The following KCTD19 variants were observed in gnomAD, a reference collection of about 807,000 sequenced individuals.
KCTD19 encodes BTB/POZ domain-containing protein KCTD19.
KCTD19 carries 67 observed loss-of-function variants against 103.5 expected under a neutral mutation model. The ratio of observed to expected loss-of-function variants is 0.65; its 90% CI spans 0.53 to 0.79. KCTD19 has a LOEUF of 0.79. Ranked by LOEUF, KCTD19 falls within the 30% of genes least tolerant of loss-of-function variation. The probability of loss-of-function intolerance (pLI) is 0.00; values close to 1 mark genes in which losing one functional copy is unlikely to be tolerated. For missense variants in KCTD19, 980 were observed against 1,136.1 expected (o/e 0.86, Z 1.98); for synonymous variants, 439 against 452.2 (o/e 0.97, Z 0.37).
At chr16:67,295,714 TCCCAGC>T in intron 8 of KCTD19, 1 of 341,232 alleles carries the variant, frequency 2.9e-6, no homozygotes, top group African/African-American at 2.1e-5. Flanking sequence ...TGGAGGGCCT[TCCCAGC>T]AGGCCACTCG....
Position 67,289,460 on chromosome 16 carries a change from T to TA in KCTD19, c.*108dup, listed in dbSNP as rs2036640491. On this transcript the variant is annotated 3_prime_UTR_variant, in exon 16 of 16. Coordinates refer to ENST00000304372, the MANE Select transcript of KCTD19 (RefSeq NM_001100915.3). ...GATTTAATCTTTTATTTGTTTATAA[T>TA]AAAAAATAGACTGATATGTACCCTC... The TA allele has an allele frequency of 1.7e-6, 1 of 596,050 alleles. No homozygotes were observed. Among genetic ancestry groups the TA allele is most frequent in the Non-Finnish European group, 3.0e-6 (1 of 333,744 alleles). 36.9% of individuals were successfully genotyped at this position (596,050 alleles called of 1,614,324 possible). A position where few individuals can be genotyped will look rare whatever the true frequency, so the allele number is the denominator to read the frequency against.
chr16:67,322,440 AGGCACC>A (rs1269238371), intron 1 of KCTD19, among the ~76,000 whole-genome samples: 1 of 151,974 alleles, frequency 6.6e-6, no homozygotes, highest in Non-Finnish European at 1.5e-5. Context: ...CTGGGACTAC[AGGCACC>A]CGCCACCACG....
In KCTD19 at chr16:67,293,988, G is replaced by A. The variant is rs773746023; in HGVS notation, c.1774C>T (p.Arg592Cys). Residue 592 changes from arginine to cysteine, a missense_variant, in exon 12 of 16, where the codon CGT (arginine) becomes TGT (cysteine). By Grantham distance (180) the Arg-to-Cys change is radical. Transcript: ENST00000304372. The surrounding 1 kb of genome is among the most constrained non-coding windows in gnomAD (Gnocchi z 4.0). ...TGTCCAGGATTGGTACACAAGCCACGGCAGTGTGAGTATGTGCTAGGGTTG... is the reference window on the plus strand; with the variant it reads ...TGTCCAGGATTGGTACACAAGCCACAGCAGTGTGAGTATGTGCTAGGGTTG... Reference protein sequence around the residue: ...AGNPSTYSHCRGLCTNPGHWG... With the variant: ...AGNPSTYSHCCGLCTNPGHWG... 14 of 1,613,992 alleles carry A rather than the reference G, an allele frequency of 8.7e-6. No homozygotes were observed. The highest frequency in any genetic ancestry group is 5.0e-5 in the Admixed American group (3 of 59,998).
rs1418389363 is a variant in KCTD19, at chr16:67,291,434, A to G, written c.2440T>C (p.Trp814Arg). The change falls in exon 14 of 16, where the codon TGG becomes CGG. Residue 814 changes from tryptophan (W) to arginine (R), a missense_variant. Physicochemically the swap from Trp to Arg is moderately radical, Grantham distance 101. Transcript: ENST00000304372. ...EVTFLSFSLSWEEMFYAQKCH... is the reference protein window; with the variant it reads ...EVTFLSFSLSREEMFYAQKCH... ...TTCTGTGCATAAAACATCTCTTCCCAGGACAGAGAGAAACTCAGGAAAGTC... is the reference window on the plus strand; with the variant it reads ...TTCTGTGCATAAAACATCTCTTCCCGGGACAGAGAGAAACTCAGGAAAGTC... 6.2e-7 allele frequency: 1 copy of G among 1,614,086 alleles called. No homozygotes were observed. Among genetic ancestry groups the G allele is most frequent in the Admixed American group, 1.7e-5 (1 of 60,008 alleles).
chr16:67,322,454 A>G (rs1332932722), intron 1 of KCTD19, among the ~76,000 whole-genome samples: 1 of 151,904 alleles, frequency 6.6e-6, no homozygotes, highest in African/African-American at 2.4e-5. Context: ...ACCCGCCACC[A>G]CGCCCGGCTA....
chr16:67,315,053 G>A (rs985766435), intron 2 of KCTD19, among the ~76,000 whole-genome samples: 2 of 151,772 alleles, frequency 1.3e-5, no homozygotes, highest in Admixed American at 1.3e-4. Flanking sequence ...TAGAGTTGGA[G>A]TCTCACTTTG....
chr16:67,310,675 T>C (rs1344338816), intron 2 of KCTD19, among the ~76,000 whole-genome samples: 1 of 152,206 alleles, frequency 6.6e-6, no homozygotes, highest in Non-Finnish European at 1.5e-5. Context: ...TATGTGTATG[T>C]ATGTGTGTGG....
intron 6 of KCTD19, among the ~76,000 whole-genome samples, chr16:67,298,904 C>G (rs961796399): frequency 2.0e-5 from 3 of 150,614 alleles, no homozygotes; most frequent in African/African-American, 7.3e-5. Flanking sequence ...ATCAGCACCT[C>G]TGGGAAGCCT....
In KCTD19 at chr16:67,323,347, G is replaced by T. The variant is rs1484366794; in HGVS notation, c.4-2462C>A. Among the ~76,000 whole-genome samples the T allele has an allele frequency of 6.6e-6, 1 of 152,136 alleles. No individual in the cohort carries two copies. The highest frequency in any genetic ancestry group is 2.4e-5 in the African/African-American group (1 of 41,420). ...ACAAAATGTAGTATATCCACACAAT[G>T]GAATATTGTTTGTCAATACGAAGGA... On this transcript the variant is annotated intron_variant, in intron 1 of 15. Coordinates refer to ENST00000304372, the MANE Select transcript of KCTD19 (RefSeq NM_001100915.3). The surrounding 1 kb of genome is among the most constrained non-coding windows in gnomAD (Gnocchi z 4.1).
At chr16:67,311,288 A>G (rs1278312053) in intron 2 of KCTD19, among the ~76,000 whole-genome samples, 1 of 152,064 alleles carries the variant, frequency 6.6e-6, no homozygotes, top group Non-Finnish European at 1.5e-5. Flanking sequence ...CCAGTGGGCC[A>G]CATTTAGGCC....
In KCTD19 at chr16:67,320,311, T is replaced by C. The variant is rs1261643975; in HGVS notation, c.300+278A>G. Among the ~76,000 whole-genome samples, 5 of 152,224 alleles carry C rather than the reference T, an allele frequency of 3.3e-5. No homozygotes were observed. The highest frequency in any genetic ancestry group is 2.6e-4 in the Admixed American group (4 of 15,278). ...CTGAGGTGGGAGGTGGGAAGATCCT[T>C]TGGGCTTGGGAGGTGGAGGTTGCAG... On this transcript the variant is annotated intron_variant, in intron 2 of 15. Coordinates refer to ENST00000304372, the MANE Select transcript of KCTD19 (RefSeq NM_001100915.3). This position sits in a 1 kb window ranked among gnomAD's most constrained non-coding sequence, Gnocchi z 4.0.
intron 2 of KCTD19, among the ~76,000 whole-genome samples, chr16:67,313,753 T>A (rs1388116090): frequency 6.6e-6 from 1 of 152,060 alleles, no homozygotes; most frequent in Admixed American, 6.6e-5. Flanking sequence ...CATGCTCAGC[T>A]AATTTTGTAT....
Position 67,295,395 on chromosome 16 carries a change from A to G in KCTD19, c.1259T>C (p.Leu420Pro). ...GTACACTCTCTGAGGGTTGGACAGC[A>G]GTTCTGGATACTGGAGGGGGTTGGA... ...TLQTLLKYPE[L>P]LSNPQRVYWI... Residue 420 changes from leucine (L) to proline (P), a missense_variant, in exon 9 of 16, where the codon CTG becomes CCG. Transcript: ENST00000304372. 1 of 1,611,644 alleles carries G rather than the reference A, an allele frequency of 6.2e-7. No homozygotes were observed. The highest frequency in any genetic ancestry group is 8.5e-7 in the Non-Finnish European group (1 of 1,178,130).
At chr16:67,322,321 G>A (rs1205460810) in intron 1 of KCTD19, among the ~76,000 whole-genome samples, 3 of 146,990 alleles carry the variant, frequency 2.0e-5, no homozygotes, top group African/African-American at 5.0e-5. Context: ...TTTTTGAGAC[G>A]GAGTCTCGCT....
chr16:67,320,331 T>C lies in KCTD19; in HGVS notation c.300+258A>G, dbSNP rs1275328403. 3.3e-5 allele frequency among the ~76,000 whole-genome samples: 5 copies of C among 151,980 alleles called. No homozygotes were observed. Among genetic ancestry groups the C allele is most frequent in the Admixed American group, 1.3e-4 (2 of 15,256 alleles). On this transcript the variant is annotated intron_variant, in intron 2 of 15. Coordinates refer to ENST00000304372, the MANE Select transcript of KCTD19 (RefSeq NM_001100915.3). The surrounding 1 kb of genome is among the most constrained non-coding windows in gnomAD (Gnocchi z 4.0). The stretch of plus-strand genomic sequence containing the variant: ...ATCCTTTGGGCTTGGGAGGTGGAGG[T>C]TGCAGTGAGCTGTGATTGCAGCAGA...
rs944513854 is a variant in KCTD19 at position 67,293,009 on chromosome 16, T to C, written c.2218+535A>G. 6.6e-6 allele frequency among the ~76,000 whole-genome samples: 1 copy of C among 152,094 alleles called. No homozygotes were observed. The highest frequency in any genetic ancestry group is 1.5e-5 in the Non-Finnish European group (1 of 68,020). ...CTCCAAGTGGCTTCGAATACCTAGCTCCTGCTGCATTTCCTCTGCTCCTGG... is the reference window on the plus strand; with the variant it reads ...CTCCAAGTGGCTTCGAATACCTAGCCCCTGCTGCATTTCCTCTGCTCCTGG... On this transcript the variant is annotated intron_variant, in intron 12 of 15. Coordinates refer to ENST00000304372, the MANE Select transcript of KCTD19 (RefSeq NM_001100915.3). The surrounding 1 kb of genome is among the most constrained non-coding windows in gnomAD (Gnocchi z 4.0).
Position 67,291,722 on chromosome 16 carries a change from A to G in KCTD19, c.2334T>C (p.Phe778=). 1 of 1,614,118 alleles carries G rather than the reference A, an allele frequency of 6.2e-7. No homozygotes were observed. Among genetic ancestry groups the G allele is most frequent in the Non-Finnish European group, 8.5e-7 (1 of 1,179,996 alleles). Residue 778 remains phenylalanine, a synonymous_variant, in exon 13 of 16, where the codon TTT becomes TTC. Transcript: ENST00000304372. ...CCGTGGTATAGATGATGCTGTCCTC[A>G]AAGAACATGCAGAAGCCATCGCTGC... is the stretch of plus-strand genomic sequence containing the variant. The part of the protein sequence containing the change: ...VVGSDGFCMF[F]EDSIIYTTEM...
intron 14 of KCTD19, 99 bp downstream of exon 14, chr16:67,291,210 T>C: frequency 6.9e-7 from 1 of 1,444,540 alleles, no homozygotes; most frequent in Middle Eastern, 2.5e-4. Flanking sequence ...TAACCCCATC[T>C]TGGCTTACTT....
At position 67,296,166 on chromosome 16, in the gene KCTD19, AG is replaced by A. The variant is rs779725568; in HGVS notation, c.1240del (p.Leu414CysfsTer2). The A allele has an allele frequency of 1.1e-5, 18 of 1,602,512 alleles. No individual in the cohort carries two copies. The African/African-American group carries it at 2.4e-4, about 21-fold the overall frequency. On this transcript the variant is annotated frameshift_variant, in exon 8 of 16. Coordinates refer to ENST00000304372, the MANE Select transcript of KCTD19 (RefSeq NM_001100915.3). LOFTEE classifies it high-confidence loss of function. ...SHWYATTLQTLLKYPELLSNP... is the reference protein window; with the variant it reads ...SHWYATTLQTXLKYPELLSNP... ...AGCCGAGGCCGTCAGTACCTTCAGC[AG>A]TGTCTGCAGGGTGGTTGCGTACCAG...
Sources: allele counts gnomAD v4.1 joint callset (sites outside exome capture counted in the v4.1 genomes callset), GRCh38; gene constraint gnomAD v4.1.1; non-coding constraint Gnocchi (gnomAD v3.1); transcripts MANE v1.5; gene names NCBI Gene and HGNC (gene_info 2026-07-23, HGNC 2026-07-21).